Variants in PRDM16 observed in about 807,000 individuals in gnomAD.
The protein encoded by PRDM16 is PR/SET domain 16.
In PRDM16, 23 loss-of-function variants were observed where a neutral mutation model predicts 110.6. The ratio of observed to expected loss-of-function variants is 0.21; its 90% confidence interval spans 0.15 to 0.29. The LOEUF (loss-of-function observed/expected upper bound fraction) is 0.29, where lower values mean the gene tolerates loss of function less well. Ranked by LOEUF, PRDM16 falls within the 10% of genes least tolerant of loss-of-function variation. The pLI, the probability that PRDM16 is intolerant of heterozygous loss-of-function variation, is 1.00. For missense variants in PRDM16, 1,615 were observed against 1,794.3 expected, an observed-to-expected ratio of 0.90 and a Z score of 1.81; for synonymous variants, 799 against 781.8, an observed-to-expected ratio of 1.02 and a Z score of -0.37.
chr1:3,146,230 C>T (rs1190446448), intron 1 of PRDM16, among the ~76,000 whole-genome samples: 1 of 152,240 alleles, frequency 6.6e-6, no homozygotes, highest in African/African-American at 2.4e-5. Flanking sequence ...AACGGGGGGG[C>T]CCGCTAACCA....
intron 8 of PRDM16, among the ~76,000 whole-genome samples, chr1:3,407,560 A>C (rs992203274): frequency 6.6e-6 from 1 of 152,046 alleles, no homozygotes; most frequent in Non-Finnish European, 1.5e-5. Flanking sequence ...AGGTCAAGTG[A>C]CTCCAGTGAG....
rs868048148 is a variant in PRDM16 at position 3,245,552 on chromosome 1, T to C, written c.438+1415T>C. Among the ~76,000 whole-genome samples, 79 of 152,334 alleles carry C rather than the reference T, an allele frequency of 5.2e-4. No homozygotes were observed. Among genetic ancestry groups the C allele is most frequent in the African/African-American group, 1.8e-3 (76 of 41,582 alleles). ...TGTCCCTCCCCGTCGCTGGTGTGGC[T>C]GTGTCTGGCCTCCTGGGGTCCTTTT... is the stretch of plus-strand genomic sequence containing the variant. On this transcript the variant is annotated intron_variant, in intron 3 of 16. Coordinates refer to ENST00000270722, the MANE Select transcript of PRDM16 (RefSeq NM_022114.4). This position sits in a 1 kb window ranked among gnomAD's most constrained non-coding sequence, Gnocchi z 4.7.
intron 2 of PRDM16, among the ~76,000 whole-genome samples, chr1:3,218,331 A>G (rs1450389061): frequency 1.3e-5 from 2 of 152,362 alleles, no homozygotes; most frequent in South Asian, 2.1e-4. Context: ...ATGGCTGTCA[A>G]ATGCTTTATC....
rs537128366 is a variant in PRDM16, at chr1:3,227,315, C to G, written c.388-16772C>G. 1.3e-4 allele frequency among the ~76,000 whole-genome samples: 20 copies of G among 152,370 alleles called. No individual in the cohort carries two copies. In the East Asian group the frequency reaches 2.9e-3, roughly 22 times the overall value. On this transcript the variant is annotated intron_variant, in intron 2 of 16. Transcript: ENST00000270722. ...GTTATTTCTATTATTTATGAAAGAG[C>G]CTTTGGCCAAGCGATTAGGGACAGG...
chr1:3,078,860 C>T (rs1202810329), intron 1 of PRDM16, among the ~76,000 whole-genome samples: 2 of 152,216 alleles, frequency 1.3e-5, no homozygotes, highest in East Asian at 3.9e-4. Context: ...CCATGGCTCC[C>T]GTAGCTGGGT....
chr1:3,152,304 T>TCATC (rs140476841), intron 1 of PRDM16, among the ~76,000 whole-genome samples: 1,752 of 151,792 alleles, frequency 0.012, 19 homozygotes, highest in Middle Eastern at 0.044. Context: ...ATCCCTCCTT[T>TCATC]CATCCATCCA....
intron 3 of PRDM16, among the ~76,000 whole-genome samples, chr1:3,324,059 C>G (rs74048243): frequency 0.033 from 4,965 of 152,262 alleles, 255 homozygotes; most frequent in African/African-American, 0.11. Flanking sequence ...GGAGGATCTA[C>G]CAGCAGCAGG....
intron 2 of PRDM16, among the ~76,000 whole-genome samples, chr1:3,235,500 G>A (rs1228507760): frequency 6.6e-6 from 1 of 152,178 alleles, no homozygotes; most frequent in Non-Finnish European, 1.5e-5. Context: ...CCCTGTGCTC[G>A]GGGACAGGGG....
In PRDM16 at chr1:3,212,618, A is replaced by ATCCTCCCGGCCCCCTCCCTGC. The variant is rs1638915910; in HGVS notation, c.387+26144_387+26145insTCCTCCCGGCCCCCTCCCTGC. Among the ~76,000 whole-genome samples, 122 of 122,596 alleles carry ATCCTCCCGGCCCCCTCCCTGC rather than the reference A, an allele frequency of 1.0e-3. 6 individuals carry two copies. Among genetic ancestry groups the ATCCTCCCGGCCCCCTCCCTGC allele is most frequent in the African/African-American group, 4.2e-3 (115 of 27,340 alleles). The allele number at this position is 122,596 out of a possible 152,430, so 80.4% of individuals were successfully genotyped here. On this transcript the variant is annotated intron_variant, in intron 2 of 16. Coordinates refer to ENST00000270722, the MANE Select transcript of PRDM16 (RefSeq NM_022114.4). Reference sequence around the variant, plus strand: ...GCTCATCCTCCCGGCCCCCTCGCTGAGGTCCTCCCGCTCATCCTCCCGGCC... The same window carrying ATCCTCCCGGCCCCCTCCCTGC: ...GCTCATCCTCCCGGCCCCCTCGCTGATCCTCCCGGCCCCCTCCCTGCGGTCCTCCCGCTCATCCTCCCGGCC...
At chr1:3,421,730 A>G (rs545830858) in intron 12 of PRDM16, among the ~76,000 whole-genome samples, 1 of 152,252 alleles carries the variant, frequency 6.6e-6, no homozygotes, top group African/African-American at 2.4e-5. Flanking sequence ...TTCCAATCCC[A>G]TTTCTTACCT....
intron 1 of PRDM16, among the ~76,000 whole-genome samples, chr1:3,142,687 C>T (rs761352357): frequency 2.0e-5 from 3 of 152,150 alleles, no homozygotes; most frequent in Non-Finnish European, 4.4e-5. Flanking sequence ...TCCCAAGCCT[C>T]GTGCTCCCCC....
intron 3 of PRDM16, among the ~76,000 whole-genome samples, chr1:3,256,581 G>A (rs767030017): frequency 3.3e-5 from 5 of 152,138 alleles, no homozygotes; most frequent in East Asian, 3.9e-4. Context: ...GTCTTCGGTC[G>A]GGCGTGGTGG....
Position 3,411,746 on chromosome 1 carries a change from A to G in PRDM16, c.1549A>G (p.Ile517Val), listed in dbSNP as rs759740047. The G allele has an allele frequency of 1.2e-6, 2 of 1,611,488 alleles. No homozygotes were observed. The highest frequency in any genetic ancestry group is 1.7e-5 in the Admixed American group (1 of 59,868). The change falls in exon 9 of 17, where the codon ATC becomes GTC. Residue 517 changes from isoleucine to valine, a missense_variant. Transcript: ENST00000270722. ...FPALTPGFPGIFPPSLYPRPP... is the reference protein window; with the variant it reads ...FPALTPGFPGVFPPSLYPRPP... ...CGCACTCACCCCCGGCTTCCCGGGC[A>G]TCTTCCCTCCATCCTTGTACCCCCG...
chr1:3,407,996 G>T (rs894024755), intron 8 of PRDM16, among the ~76,000 whole-genome samples: 2 of 152,238 alleles, frequency 1.3e-5, no homozygotes, highest in East Asian at 3.8e-4. Flanking sequence ...CACAAGCAAC[G>T]CAGCCCTGGT....
intron 1 of PRDM16, among the ~76,000 whole-genome samples, chr1:3,093,455 G>A (rs1482945337): frequency 6.6e-6 from 1 of 152,210 alleles, no homozygotes; most frequent in Admixed American, 6.5e-5. Context: ...TTGATTGACT[G>A]TTTCTCCAGA....
intron 3 of PRDM16, among the ~76,000 whole-genome samples, chr1:3,285,662 C>T (rs1640829145): frequency 6.6e-6 from 1 of 152,248 alleles, no homozygotes; most frequent in South Asian, 2.1e-4. Flanking sequence ...GCCCCTCCGT[C>T]TCTGGTCCCT....
intron 3 of PRDM16, among the ~76,000 whole-genome samples, chr1:3,304,412 G>T (rs137867280): frequency 1.3e-5 from 2 of 152,180 alleles, no homozygotes; most frequent in Non-Finnish European, 2.9e-5. Context: ...ATCTCTATTC[G>T]CTGAAACCAC....
intron 3 of PRDM16, among the ~76,000 whole-genome samples, chr1:3,326,651 T>C (rs934247830): frequency 1.3e-5 from 2 of 152,160 alleles, no homozygotes; most frequent in African/African-American, 2.4e-5. Flanking sequence ...CCCTGAGGGC[T>C]GATTAGAGGA....
intron 3 of PRDM16, chr1:3,307,161 A>G (rs1641334583): frequency 6.6e-6 from 1 of 152,220 alleles, no homozygotes; most frequent in African/African-American, 2.4e-5. Context: ...GCTTTTGTGA[A>G]GACGTAAGTT....
Sources: gnomAD v4.1 joint callset for allele counts (sites outside exome capture counted in the v4.1 genomes callset) on GRCh38, gnomAD v4.1.1 for gene constraint, Gnocchi (gnomAD v3.1) non-coding constraint, MANE v1.5 for transcripts, NCBI Gene and HGNC (gene_info 2026-07-23, HGNC 2026-07-21) for gene names.